Variants in SOX5 observed in about 807,000 individuals in gnomAD.
SOX5 encodes the protein transcription factor SOX-5.
A neutral mutation model predicts 92.0 loss-of-function variants in SOX5; 9 were observed. The observed-to-expected ratio is 0.10, with a 90% CI of 0.06 to 0.17. SOX5 has a LOEUF of 0.17. Among genes scored for constraint, SOX5 ranks in the 10% least tolerant of loss-of-function variants. SOX5 has a pLI of 1.00. For missense variants in SOX5, 642 were observed against 944.5 expected (o/e 0.68, Z 4.20); for synonymous variants, 344 against 336.3 (o/e 1.02, Z -0.25).
At chr12:23,885,487 C>A (rs1020615634) in intron 2 of SOX5, among the ~76,000 whole-genome samples, 2 of 152,136 alleles carry the variant, frequency 1.3e-5, no homozygotes, top group African/African-American at 4.8e-5. Context: ...GGAAGAGACA[C>A]TGAAGTAAAC....
At chr12:24,292,850 C>T (rs1316819099) in intron 2 of SOX5, among the ~76,000 whole-genome samples, 2 of 152,180 alleles carry the variant, frequency 1.3e-5, no homozygotes, top group Admixed American at 6.6e-5. Flanking sequence ...AAAACGCAGT[C>T]GCTCTTCCAC....
chr12:24,325,560 GA>G (rs1219317349), intron 2 of SOX5, among the ~76,000 whole-genome samples: 1 of 152,098 alleles, frequency 6.6e-6, no homozygotes, highest in Non-Finnish European at 1.5e-5. Flanking sequence ...CCTCAATGAA[GA>G]ACCGAGCCAC....
At chr12:24,443,954 CA>C (rs1195502636) in intron 1 of SOX5, among the ~76,000 whole-genome samples, 1 of 152,130 alleles carries the variant, frequency 6.6e-6, no homozygotes, top group Non-Finnish European at 1.5e-5. Flanking sequence ...GTTAACATGC[CA>C]AAGTTTAAGA....
At chr12:24,007,132 C>CAAAAAA (rs377717275) in intron 4 of SOX5, among the ~76,000 whole-genome samples, 150 of 24,576 alleles carry the variant, frequency 6.1e-3, no homozygotes, top group East Asian at 0.035. Flanking sequence ...GACTCCATCT[C>CAAAAAA]AAAAAAAAAT....
intron 1 of SOX5, among the ~76,000 whole-genome samples, chr12:24,467,897 T>C (rs560997809): frequency 1.3e-5 from 2 of 152,348 alleles, no homozygotes; most frequent in Admixed American, 6.5e-5. Flanking sequence ...ACTAGTGGGC[T>C]ACTTCATGGC....
chr12:23,656,828 T>A (rs1411042286), intron 7 of SOX5, among the ~76,000 whole-genome samples: 1 of 151,962 alleles, frequency 6.6e-6, no homozygotes, highest in Non-Finnish European at 1.5e-5. Context: ...AAAACATGTA[T>A]AAAATTAATG....
intron 1 of SOX5, among the ~76,000 whole-genome samples, chr12:23,945,106 C>T (rs931179557): frequency 6.6e-6 from 1 of 152,094 alleles, no homozygotes; most frequent in Non-Finnish European, 1.5e-5. Flanking sequence ...GGAGAGAAAA[C>T]AGACAATAAA....
intron 1 of SOX5, among the ~76,000 whole-genome samples, chr12:24,489,397 G>A (rs1039737748): frequency 6.6e-6 from 1 of 152,122 alleles, no homozygotes; most frequent in Non-Finnish European, 1.5e-5. Context: ...TTGGGAGTGG[G>A]AGCTTGCTTC....
At chr12:24,395,714 G>A (rs781647927) in intron 1 of SOX5, among the ~76,000 whole-genome samples, 1 of 152,206 alleles carries the variant, frequency 6.6e-6, no homozygotes, top group Non-Finnish European at 1.5e-5. Context: ...TAGGGTGCTA[G>A]AAATAAATAA....
intron 1 of SOX5, among the ~76,000 whole-genome samples, chr12:24,390,190 T>C (rs183678967): frequency 4.6e-5 from 7 of 152,298 alleles, no homozygotes; most frequent in African/African-American, 1.7e-4. Context: ...CATTAAATTG[T>C]CAAGGTCCTT....
chr12:24,413,470 G>A (rs549331367), intron 1 of SOX5, among the ~76,000 whole-genome samples: 1 of 152,100 alleles, frequency 6.6e-6, no homozygotes, highest in Non-Finnish European at 1.5e-5. Flanking sequence ...AATCAGTGAC[G>A]GGGCTGGGTT....
chr12:23,723,482 G>A (rs1439080200), intron 6 of SOX5, among the ~76,000 whole-genome samples: 1 of 151,514 alleles, frequency 6.6e-6, no homozygotes, highest in East Asian at 1.9e-4. Flanking sequence ...GTAGGTATTC[G>A]CCAAGCCATG....
At chr12:24,009,364 T>A (rs1470600997) in intron 4 of SOX5, among the ~76,000 whole-genome samples, 5 of 152,188 alleles carry the variant, frequency 3.3e-5, no homozygotes, top group Admixed American at 2.0e-4. Flanking sequence ...GAATTAGACT[T>A]TTTGATTCTT....
chr12:24,033,690 TTGAGCACAA>T (rs1356144301), intron 4 of SOX5, among the ~76,000 whole-genome samples: 8 of 152,146 alleles, frequency 5.3e-5, no homozygotes, highest in African/African-American at 1.2e-4. Flanking sequence ...TTAATCTCTG[TTGAGCACAA>T]TGAGTATGAA....
chr12:24,114,319 G>A (rs1947721878), intron 4 of SOX5, among the ~76,000 whole-genome samples: 1 of 152,046 alleles, frequency 6.6e-6, no homozygotes, highest in South Asian at 2.1e-4. Flanking sequence ...GTTCATGTCT[G>A]AAATTGCAGC....
rs988308234 is a variant in SOX5 at position 24,501,918 on chromosome 12, C to G, written c.-251+60411G>C. Among the ~76,000 whole-genome samples, 4 of 152,018 alleles carry G rather than the reference C, an allele frequency of 2.6e-5. No individual in the cohort carries two copies. In the East Asian group the frequency reaches 7.7e-4, roughly 29 times the overall value. ...GGAAAAAAAGAAAGAAATTAATTGT[C>G]GATAAAAACTGAAGATGATTACAGG... On this transcript the variant is annotated intron_variant, in intron 1 of 4. Transcript: ENST00000446891.
intron 4 of SOX5, among the ~76,000 whole-genome samples, chr12:24,091,689 G>A (rs1015982689): frequency 3.3e-5 from 5 of 151,974 alleles, no homozygotes; most frequent in Non-Finnish European, 5.9e-5. Flanking sequence ...TGACTTACTA[G>A]GGTATGATAA....
chr12:24,466,152 G>T (rs777502694), intron 1 of SOX5, among the ~76,000 whole-genome samples: 5 of 152,088 alleles, frequency 3.3e-5, no homozygotes, highest in Non-Finnish European at 5.9e-5. Context: ...GGTCAGTAAT[G>T]AACAGATCTG....
At chr12:23,825,270 A>C (rs369644942) in intron 3 of SOX5, among the ~76,000 whole-genome samples, 3 of 152,294 alleles carry the variant, frequency 2.0e-5, no homozygotes, top group African/African-American at 7.2e-5. Flanking sequence ...CCATGGGAAA[A>C]GCATAGTATC....
Sources: gnomAD v4.1 joint callset for allele counts (sites outside exome capture counted in the v4.1 genomes callset) on GRCh38, gnomAD v4.1.1 for gene constraint, MANE v1.5 for transcripts, NCBI Gene and HGNC (gene_info 2026-07-23, HGNC 2026-07-21) for gene names.